Variants in CDH10 observed in about 807,000 individuals in gnomAD.
CDH10 encodes cadherin-10.
Under a neutral mutation model 73.1 loss-of-function variants are expected in CDH10, and 30 were observed. That is an observed-to-expected ratio of 0.41 (90% CI 0.31 to 0.56). The LOEUF is 0.56. Among genes scored for constraint, CDH10 ranks in the 20% least tolerant of loss-of-function variants. The pLI is 0.27. For synonymous variants in CDH10, 345 were observed against 348.2 expected (o/e 0.99, Z 0.10); for missense variants, 815 against 973.7 (o/e 0.84, Z 2.17).
chr5:24,552,712 CACT>C (rs1343322612), intron 2 of CDH10, among the ~76,000 whole-genome samples: 1 of 151,738 alleles, frequency 6.6e-6, no homozygotes, highest in Non-Finnish European at 1.5e-5. Context: ...TTTTTGTCAC[CACT>C]ATTATTTCCT....
At chr5:24,545,193 A>G (rs182223168) in intron 2 of CDH10, among the ~76,000 whole-genome samples, 307 of 152,288 alleles carry the variant, frequency 2.0e-3, no homozygotes, top group Middle Eastern at 0.01. Context: ...AATTATGAAA[A>G]TTATCTCCTT....
intron 5 of CDH10, among the ~76,000 whole-genome samples, chr5:24,516,273 A>AT (rs79190232): frequency 0.46 from 69,323 of 151,888 alleles, 16,099 homozygotes; most frequent in East Asian, 0.58. Context: ...AGGACTGATG[A>AT]TTTTAAGTCA....
chr5:24,619,429 G>A (rs538475915), intron 1 of CDH10, among the ~76,000 whole-genome samples: 3 of 152,158 alleles, frequency 2.0e-5, no homozygotes, highest in South Asian at 2.1e-4. Flanking sequence ...TCCTGACCTC[G>A]TGATCTGCCC....
At chr5:24,501,703 G>A (rs1742502747) in intron 8 of CDH10, among the ~76,000 whole-genome samples, 1 of 152,154 alleles carries the variant, frequency 6.6e-6, no homozygotes, top group Admixed American at 6.5e-5. Context: ...CCTGCTTTGG[G>A]TAAGAATTCT....
At chr5:24,500,506 G>A (rs73743606) in intron 8 of CDH10, among the ~76,000 whole-genome samples, 5,321 of 152,292 alleles carry the variant, frequency 0.035, 302 homozygotes, top group African/African-American at 0.12. Context: ...CGTGTACCAC[G>A]AGGTTTAGCG....
At chr5:24,580,485 T>C (rs900086979) in intron 2 of CDH10, among the ~76,000 whole-genome samples, 1 of 152,092 alleles carries the variant, frequency 6.6e-6, no homozygotes, top group Non-Finnish European at 1.5e-5. Context: ...TACCTTAGTT[T>C]TGTTGTAGAA....
rs2111726208 is a variant in CDH10, at chr5:24,505,162, T to A, written c.1343A>T (p.Asp448Val). Reference sequence around the variant, plus strand: ...ATTATGCCACTGAGATAGTTCACGGTCAAGAGGTTTTGATGTATAAAGAGA... The same window carrying A: ...ATTATGCCACTGAGATAGTTCACGGACAAGAGGTTTTGATGTATAAAGAGA... ...NGSLYTSKPL[D>V]RELSQWHNLT... Residue 448 changes from aspartate to valine, a missense_variant, in exon 8 of 12, where the codon GAC becomes GTC. Around this residue, in one of 3 missense-constraint regions of CDH10, gnomAD observed 516 missense variants for 636.6 expected, o/e 0.81. Coordinates refer to ENST00000264463, the MANE Select transcript of CDH10 (RefSeq NM_006727.5). 2 of 1,612,618 alleles carry A rather than the reference T, an allele frequency of 1.2e-6. No homozygotes were observed. The highest frequency in any genetic ancestry group is 1.7e-6 in the Non-Finnish European group (2 of 1,178,822).
chr5:24,492,752 G>A, intron 10 of CDH10, 65 bp downstream of exon 10: 1 of 761,438 alleles, frequency 1.3e-6, no homozygotes, highest in Non-Finnish European at 2.4e-6. Flanking sequence ...TATTGCAATG[G>A]TTACACTCGG....
chr5:24,522,215 A>T (rs1188958225), intron 5 of CDH10, among the ~76,000 whole-genome samples: 2 of 152,104 alleles, frequency 1.3e-5, no homozygotes, highest in Non-Finnish European at 2.9e-5. Context: ...AAAAAGATTA[A>T]AATGTCACTG....
At chr5:24,504,538 T>TTTTTTTTTTTA in intron 8 of CDH10, among the ~76,000 whole-genome samples, 1 of 84,954 alleles carries the variant, frequency 1.2e-5, no homozygotes, top group East Asian at 3.2e-4. Context: ...TTTTTTTTTT[T>TTTTTTTTTTTA]TTTTTAAGAT....
rs186942613 is a variant in CDH10 at position 24,509,658 on chromosome 5, G to A, written c.1164C>T (p.Ser388=). ...TATCTTCATGAACTTCAAACAGATA[G>A]GAGGACCTACTAAAAACAGGAGGTT... ...VDEPPVFSRS[S]YLFEVHEDIE... Residue 388 remains serine, a synonymous_variant, in exon 7 of 12, where the codon TCC becomes TCT. Coordinates refer to ENST00000264463, the MANE Select transcript of CDH10 (RefSeq NM_006727.5). 3 of 1,613,314 alleles carry A rather than the reference G, an allele frequency of 1.9e-6. No homozygotes were observed. The highest frequency in any genetic ancestry group is 2.5e-6 in the Non-Finnish European group (3 of 1,179,298).
chr5:24,579,963 GT>G (rs988159344), intron 2 of CDH10, among the ~76,000 whole-genome samples: 1 of 152,056 alleles, frequency 6.6e-6, no homozygotes, highest in South Asian at 2.1e-4. Flanking sequence ...GCTGAAATCT[GT>G]TTTTTTCTCC....
At chr5:24,523,019 G>A (rs1743398058) in intron 5 of CDH10, among the ~76,000 whole-genome samples, 1 of 151,486 alleles carries the variant, frequency 6.6e-6, no homozygotes, top group South Asian at 2.1e-4. Context: ...CAAAATAAAG[G>A]CACACGCAAA....
chr5:24,622,949 T>C (rs1432937736), intron 1 of CDH10, among the ~76,000 whole-genome samples: 1 of 152,210 alleles, frequency 6.6e-6, no homozygotes, highest in Non-Finnish European at 1.5e-5. Flanking sequence ...TAACGTGATG[T>C]GACTCGCATA....
Position 24,487,719 on chromosome 5 carries a change from G to A in CDH10, c.2311C>T (p.Arg771Trp), listed in dbSNP as rs1263347214. The part of the protein sequence containing the change: ...NYDYLREWGP[R>W]FNKLAEMYGG... ...TACATTTCTGCTAGCTTATTAAACC[G>A]AGGGCCCCATTCTCGGAGGTAATCG... is the stretch of plus-strand genomic sequence containing the variant. The change falls in exon 12 of 12, where the codon CGG becomes TGG. Residue 771 changes from arginine (R) to tryptophan (W), a missense_variant. By Grantham distance (101) the Arg-to-Trp change is moderately radical (BLOSUM62 -3). Coordinates refer to ENST00000264463, the MANE Select transcript of CDH10 (RefSeq NM_006727.5). 1.2e-6 allele frequency: 2 copies of A among 1,613,156 alleles called. No individual in the cohort carries two copies. Among genetic ancestry groups the A allele is most frequent in the Non-Finnish European group, 1.7e-6 (2 of 1,179,666 alleles).
At chr5:24,492,095 T>C (rs2111644250) in intron 10 of CDH10, among the ~76,000 whole-genome samples, 1 of 152,286 alleles carries the variant, frequency 6.6e-6, no homozygotes, top group Non-Finnish European at 1.5e-5. Context: ...AAGTGAATCA[T>C]TTACCAAGAT....
intron 1 of CDH10, among the ~76,000 whole-genome samples, chr5:24,606,404 A>G (rs563865837): frequency 1.7e-4 from 26 of 152,250 alleles, no homozygotes; most frequent in African/African-American, 6.3e-4. Flanking sequence ...TGAGGTCAGG[A>G]GTTCGAGACC....
chr5:24,559,104 C>A (rs1744867968), intron 2 of CDH10, among the ~76,000 whole-genome samples: 2 of 134,162 alleles, frequency 1.5e-5, no homozygotes, highest in East Asian at 2.2e-4. Flanking sequence ...GACATTGGAT[C>A]CCTTATTTTG....
chr5:24,618,248 G>C (rs954690363), intron 1 of CDH10, among the ~76,000 whole-genome samples: 15 of 152,126 alleles, frequency 9.9e-5, no homozygotes, highest in Non-Finnish European at 1.8e-4. Flanking sequence ...TGAGTCTCTG[G>C]AAACTGCACT....
Sources: gnomAD v4.1 joint callset for allele counts (sites outside exome capture counted in the v4.1 genomes callset) on GRCh38, gnomAD v4.1.1 for gene constraint, gnomAD v4.1.1 regional missense constraint, MANE v1.5 for transcripts, NCBI Gene and HGNC (gene_info 2026-07-23, HGNC 2026-07-21) for gene names.